Variants in CAMK2B observed in about 807,000 individuals in gnomAD.
CAMK2B encodes the protein calcium/calmodulin dependent protein kinase II beta.
In CAMK2B, 27 loss-of-function variants were observed where a neutral mutation model predicts 93.7. That is an observed-to-expected ratio of 0.29 (90% CI 0.21 to 0.40). The LOEUF (loss-of-function observed/expected upper bound fraction) is 0.40, where lower values mean the gene tolerates loss of function less well. CAMK2B is among the 10% of genes least tolerant of loss of function. The pLI, the probability that CAMK2B is intolerant of heterozygous loss-of-function variation, is 1.00. For synonymous variants in CAMK2B, 374 were observed against 358.8 expected (o/e 1.04, Z -0.48); for missense variants, 568 against 895.8 (o/e 0.63, Z 4.67).
intron 2 of CAMK2B, among the ~76,000 whole-genome samples, chr7:44,280,581 G>A (rs1478458673): frequency 6.6e-6 from 1 of 152,214 alleles, no homozygotes; most frequent in African/African-American, 2.4e-5. Flanking sequence ...AATTTGCACA[G>A]GCTTTTAAAA....
At chr7:44,242,127 A>G in intron 10 of CAMK2B, 91 bp downstream of exon 10, 1 of 1,465,866 alleles carries the variant, frequency 6.8e-7, no homozygotes, top group Non-Finnish European at 9.2e-7. Flanking sequence ...TGTCAGGAAC[A>G]GGACCCTCTT....
At chr7:44,274,672 T>C (rs1188373302) in intron 2 of CAMK2B, among the ~76,000 whole-genome samples, 6 of 152,250 alleles carry the variant, frequency 3.9e-5, no homozygotes, top group Non-Finnish European at 7.3e-5. Context: ...GGAGGTACTA[T>C]GTGCAAAGCA....
chr7:44,290,316 GGCCA>G (rs1786424510), intron 1 of CAMK2B, among the ~76,000 whole-genome samples: 1 of 152,242 alleles, frequency 6.6e-6, no homozygotes, highest in Non-Finnish European at 1.5e-5. Context: ...TCCCCACGCG[GGCCA>G]GGCGCTGTCT....
At chr7:44,313,895 T>C (rs1362186231) in intron 1 of CAMK2B, among the ~76,000 whole-genome samples, 1 of 151,586 alleles carries the variant, frequency 6.6e-6, no homozygotes, top group Non-Finnish European at 1.5e-5. Context: ...TTCTCACAGT[T>C]TTTTGTTTGC....
chr7:44,233,637 G>A (rs759164187), intron 15 of CAMK2B, among the ~76,000 whole-genome samples: 17 of 152,136 alleles, frequency 1.1e-4, no homozygotes, highest in Non-Finnish European at 2.2e-4. Context: ...CAGGAAGGCC[G>A]GCACCCACCA....
chr7:44,248,458 G>A lies in CAMK2B; in HGVS notation c.342-1266C>T, dbSNP rs565235099. On this transcript the variant is annotated intron_variant, in intron 5 of 23. Coordinates refer to ENST00000395749, the MANE Select transcript of CAMK2B (RefSeq NM_001220.5). This position sits in a 1 kb window ranked among gnomAD's most constrained non-coding sequence, Gnocchi z 4.1. ...AGCTCCACAATGCAGGGTGATAGCA[G>A]CCACCACCTCCGAGGCTGCCCTGCT... 1.3e-5 allele frequency among the ~76,000 whole-genome samples: 2 copies of A among 152,292 alleles called. No individual in the cohort carries two copies. Among genetic ancestry groups the A allele is most frequent in the Admixed American group, 1.3e-4 (2 of 15,306 alleles).
At chr7:44,288,054 A>T (rs1253272908) in intron 1 of CAMK2B, among the ~76,000 whole-genome samples, 1 of 152,218 alleles carries the variant, frequency 6.6e-6, no homozygotes, top group African/African-American at 2.4e-5. Flanking sequence ...TGTCCAGCCC[A>T]GCAGTACAGG....
chr7:44,239,880 AC>A (rs778601722), intron 12 of CAMK2B, among the ~76,000 whole-genome samples: 100 of 151,846 alleles, frequency 6.6e-4, no homozygotes, highest in Non-Finnish European at 1.4e-3. Context: ...TCCTTAGAAA[AC>A]CCCAGTGGGG....
At chr7:44,226,702 G>A in intron 19 of CAMK2B, 58 bp from the exon 20 acceptor site, 1 of 1,277,850 alleles carries the variant, frequency 7.8e-7, no homozygotes, top group Middle Eastern at 2.9e-4. Context: ...ACGCAGGAGA[G>A]AAACCATGGG....
chr7:44,242,564 T>C lies in CAMK2B; in HGVS notation c.692A>G (p.Tyr231Cys). The C allele has an allele frequency of 6.2e-7, 1 of 1,606,540 alleles. No individual in the cohort carries two copies. Among genetic ancestry groups the C allele is most frequent in the Non-Finnish European group, 8.5e-7 (1 of 1,175,456 alleles). Reference sequence around the variant, plus strand: ...GAGAGGGGCTGGTGCACTCACGTCATAGGCACCAGCCTTGATCTGCTGGTA... The same window carrying C: ...GAGAGGGGCTGGTGCACTCACGTCACAGGCACCAGCCTTGATCTGCTGGTA... ...KLYQQIKAGA[Y>C]DFPSPEWDTV... The change falls in exon 9 of 24, where the codon TAT (tyrosine) becomes TGT (cysteine). Residue 231 changes from tyrosine (Y) to cysteine (C), a missense_variant. Around this residue, in one of 4 missense-constraint regions of CAMK2B, gnomAD observed 105 missense variants for 372.4 expected, o/e 0.28. Transcript: ENST00000395749.
intron 15 of CAMK2B, 151 bp downstream of exon 15, chr7:44,234,239 G>T (rs1433248336): frequency 1.2e-5 from 8 of 667,306 alleles, no homozygotes; most frequent in South Asian, 4.2e-5. Flanking sequence ...TTCACCACCG[G>T]TGAGGGATGA....
intron 5 of CAMK2B, among the ~76,000 whole-genome samples, chr7:44,250,016 C>T (rs2096765441): frequency 6.6e-6 from 1 of 152,342 alleles, no homozygotes; most frequent in South Asian, 2.1e-4. Flanking sequence ...GCACGTGTTG[C>T]TGAGATCAAG....
At chr7:44,255,767 C>T (rs1209851697) in intron 4 of CAMK2B, among the ~76,000 whole-genome samples, 1 of 152,184 alleles carries the variant, frequency 6.6e-6, no homozygotes, top group Non-Finnish European at 1.5e-5. Context: ...AACATGTGAC[C>T]TTGGCACATG....
At chr7:44,223,184 G>A (rs920054272) in intron 20 of CAMK2B, among the ~76,000 whole-genome samples, 5 of 152,314 alleles carry the variant, frequency 3.3e-5, no homozygotes, top group East Asian at 1.9e-4. Flanking sequence ...TGCACGTGTC[G>A]TGTGTGCCTG....
intron 1 of CAMK2B, among the ~76,000 whole-genome samples, chr7:44,297,339 C>T (rs1354580135): frequency 2.0e-5 from 3 of 151,146 alleles, no homozygotes; most frequent in Non-Finnish European, 1.5e-5. Context: ...AGGAGGAATG[C>T]TAAGAGAAGC....
intron 16 of CAMK2B, among the ~76,000 whole-genome samples, chr7:44,232,006 C>T (rs1480507999): frequency 1.3e-5 from 2 of 152,184 alleles, no homozygotes; most frequent in African/African-American, 2.4e-5. Flanking sequence ...GAGAGCATGA[C>T]CCACCCCAGA....
rs918980747 is a variant in CAMK2B, at chr7:44,234,409, G to A, written c.1112C>T (p.Thr371Met). 3.3e-6 allele frequency: 5 copies of A among 1,536,750 alleles called. No individual in the cohort carries two copies. Among genetic ancestry groups the A allele is most frequent in the South Asian group, 2.6e-5 (2 of 78,146 alleles). ...NSAAATSPKGTLPPAALEPQT... is the reference protein window; with the variant it reads ...NSAAATSPKGMLPPAALEPQT... ...CAGTACCAGGGCGGCAGGAGGAAGCGTCCCTTTGGGGCTGGTGGCGGCTGC... is the reference window on the plus strand; with the variant it reads ...CAGTACCAGGGCGGCAGGAGGAAGCATCCCTTTGGGGCTGGTGGCGGCTGC... The change falls in exon 15 of 24, where the codon ACG (threonine) becomes ATG (methionine). Residue 371 changes from threonine to methionine, a missense_variant. Physicochemically the swap from Thr to Met is moderately conservative, Grantham distance 81 (BLOSUM62 -1). Around this residue, in one of 4 missense-constraint regions of CAMK2B, gnomAD observed 308 missense variants for 292.1 expected, o/e 1.05. Transcript: ENST00000395749.
At chr7:44,262,978 C>A (rs187737020) in intron 3 of CAMK2B, 27 bp downstream of exon 3, 1 of 1,604,146 alleles carries the variant, frequency 6.2e-7, no homozygotes, top group South Asian at 1.1e-5. Context: ...GGGGACCCAT[C>A]CCCGCTCCCT....
At chr7:44,287,150 C>A (rs1785353090) in intron 1 of CAMK2B, among the ~76,000 whole-genome samples, 1 of 152,066 alleles carries the variant, frequency 6.6e-6, no homozygotes, top group Non-Finnish European at 1.5e-5. Flanking sequence ...CCCAAGGACA[C>A]CACTGCTCCC....
Sources: gnomAD v4.1 joint callset for allele counts (sites outside exome capture counted in the v4.1 genomes callset) on GRCh38, gnomAD v4.1.1 for gene constraint, gnomAD v4.1.1 regional missense constraint, Gnocchi (gnomAD v3.1) non-coding constraint, MANE v1.5 for transcripts, NCBI Gene and HGNC (gene_info 2026-07-23, HGNC 2026-07-21) for gene names.